Variants in ANLN observed in about 807,000 individuals in gnomAD.
The protein encoded by ANLN is anillin, actin binding protein, also known as anillin.
In ANLN, 59 loss-of-function variants were observed where a neutral mutation model predicts 135.1. The observed-to-expected ratio is 0.44, with a 90% CI of 0.35 to 0.54. The LOEUF is 0.54. ANLN is among the 20% of genes least tolerant of loss of function. The probability of loss-of-function intolerance (pLI) is 0.00; values close to 1 mark genes in which losing one functional copy is unlikely to be tolerated. For missense variants in ANLN, 1,182 were observed against 1,340.0 expected (o/e 0.88, Z 1.84); for synonymous variants, 406 against 456.4 (o/e 0.89, Z 1.41).
intron 1 of ANLN, among the ~76,000 whole-genome samples, chr7:36,392,342 T>C (rs197357): frequency 0.24 from 36,509 of 151,932 alleles, 5,164 homozygotes; most frequent in South Asian, 0.36. Flanking sequence ...TTAATTTATA[T>C]TGAGTCTACT....
In ANLN at chr7:36,416,592, G is replaced by A. The variant is rs1368902805; in HGVS notation, c.1523-488G>A. Among the ~76,000 whole-genome samples the A allele has an allele frequency of 2.6e-5, 4 of 152,128 alleles. 1 individual carries two copies. In the South Asian group the frequency reaches 8.3e-4, roughly 32 times the overall value. The stretch of plus-strand genomic sequence containing the variant: ...TACCTTCCTTCTATTCCTAGTTTTT[G>A]AGTAATTTTATTGGCACTTTGTTTT... On this transcript the variant is annotated intron_variant, in intron 8 of 23. Coordinates refer to ENST00000265748, the MANE Select transcript of ANLN (RefSeq NM_018685.5).
chr7:36,420,768 C>G (rs767548925), intron 12 of ANLN, 24 bp downstream of exon 12: 1 of 1,611,792 alleles, frequency 6.2e-7, no homozygotes, highest in Non-Finnish European at 8.5e-7. Flanking sequence ...TGGAAAGGGG[C>G]TTTGGAATGT....
At chr7:36,418,942 A>G (rs1174952093) in intron 9 of ANLN, among the ~76,000 whole-genome samples, 1 of 152,070 alleles carries the variant, frequency 6.6e-6, no homozygotes, top group East Asian at 1.9e-4. Context: ...TTTTTAGTAG[A>G]GACTGGGCTT....
chr7:36,412,832 A>G (rs1222644690), intron 7 of ANLN, among the ~76,000 whole-genome samples: 2 of 152,148 alleles, frequency 1.3e-5, no homozygotes, highest in Non-Finnish European at 2.9e-5. Flanking sequence ...AAATATACCC[A>G]TGTTTTTATA....
Position 36,447,754 on chromosome 7 carries a change from G to A in ANLN, c.3079-1911G>A, listed in dbSNP as rs577410659. Among the ~76,000 whole-genome samples the A allele has an allele frequency of 4.6e-5, 7 of 152,304 alleles. No individual in the cohort carries two copies. The South Asian group carries it at 1.4e-3, about 32-fold the overall frequency. ...AAGGGAGGATCCACATGCCAGGTGC[G>A]ATGGCAGGAGATTACATCATGCTGC... On this transcript the variant is annotated intron_variant, in intron 22 of 23. Transcript: ENST00000265748.
At chr7:36,434,670 C>G (rs939122662) in intron 20 of ANLN, among the ~76,000 whole-genome samples, 3 of 152,092 alleles carry the variant, frequency 2.0e-5, no homozygotes, top group African/African-American at 7.2e-5. Context: ...TCAAGACCTG[C>G]CTGGTCAACA....
chr7:36,442,820 T>C (rs971081181), intron 21 of ANLN, among the ~76,000 whole-genome samples: 36 of 151,972 alleles, frequency 2.4e-4, no homozygotes, highest in African/African-American at 8.0e-4. Flanking sequence ...TTAGTAGAGA[T>C]GGGATTTCAC....
chr7:36,437,399 ATG>A (rs765362836), intron 20 of ANLN, among the ~76,000 whole-genome samples: 5 of 152,150 alleles, frequency 3.3e-5, no homozygotes, highest in Admixed American at 3.3e-4. Context: ...TTTTCATTGT[ATG>A]TATGTACCGC....
At chr7:36,410,771 G>A in intron 6 of ANLN, 67 bp downstream of exon 6, 1 of 1,451,062 alleles carries the variant, frequency 6.9e-7, no homozygotes, top group Non-Finnish European at 9.3e-7. Context: ...AATCAAAATG[G>A]GTTCTGATGC....
chr7:36,390,089 G>A, intron 1 of ANLN, 45 bp downstream of exon 1: 1 of 1,612,570 alleles, frequency 6.2e-7, no homozygotes, highest in Non-Finnish European at 8.5e-7. Context: ...CACCGCTCTA[G>A]GCCCCCACCC....
intron 23 of ANLN, 115 bp from the exon 24 acceptor site, chr7:36,452,362 T>C (rs960285338): frequency 2.2e-6 from 3 of 1,361,148 alleles, no homozygotes; most frequent in Non-Finnish European, 2.0e-6. Flanking sequence ...TAAAAGGTGG[T>C]TAAAGGTAAT....
chr7:36,438,146 A>G (rs150112820), intron 20 of ANLN, among the ~76,000 whole-genome samples: 4 of 152,144 alleles, frequency 2.6e-5, no homozygotes, highest in African/African-American at 9.6e-5. Flanking sequence ...ATTTGGGTTT[A>G]ATTTTTATAA....
intron 1 of ANLN, 189 bp downstream of exon 1, chr7:36,390,233 T>C (rs954915496): frequency 3.4e-6 from 3 of 878,720 alleles, no homozygotes; most frequent in Middle Eastern, 3.5e-4. Flanking sequence ...TGAGATTTTG[T>C]TGTTTCGGTC....
chr7:36,396,406 C>G lies in ANLN; in HGVS notation c.159C>G (p.Leu53=), dbSNP rs149311864. The G allele has an allele frequency of 9.5e-6, 15 of 1,583,082 alleles. No homozygotes were observed. Among genetic ancestry groups the G allele is most frequent in the Non-Finnish European group, 1.3e-5 (15 of 1,160,004 alleles). Residue 53 remains leucine, a synonymous_variant, in exon 2 of 24, where the codon CTC becomes CTG. Transcript: ENST00000265748. ...CAGAAGCAAGTAACCAGCAGCCCCT[C>G]TCTGGTGGTGAAGGTAAAAGACTTT... The part of the protein sequence containing the change: ...PLSEASNQQP[L]SGGEEKSCTK...
At chr7:36,393,868 G>C (rs768989507) in intron 1 of ANLN, among the ~76,000 whole-genome samples, 4 of 152,226 alleles carry the variant, frequency 2.6e-5, no homozygotes, top group Non-Finnish European at 4.4e-5. Context: ...TCAGCTACTA[G>C]AGTAAAAGAA....
chr7:36,441,267 C>T (rs3801305), intron 21 of ANLN, among the ~76,000 whole-genome samples: 22,668 of 152,198 alleles, frequency 0.15, 1,744 homozygotes, highest in Admixed American at 0.19. Flanking sequence ...GGGCTCTTAA[C>T]GAGCTTGTTA....
chr7:36,417,101 C>A lies in ANLN; in HGVS notation c.1544C>A (p.Thr515Lys). ...TTAGGTTTCACTGAATGCGAAATGA[C>A]GAAATCTAGCCCTTTGAAAATAACA... ...EPKGFTECEMTKSSPLKITLF... is the reference protein window; with the variant it reads ...EPKGFTECEMKKSSPLKITLF... Residue 515 changes from threonine to lysine, a missense_variant, in exon 9 of 24, where the codon ACG becomes AAG. Physicochemically the swap from Thr to Lys is moderately conservative, Grantham distance 78 (BLOSUM62 -1). This residue lies in a region of ANLN where 1,022 missense variants were observed against 1,134.0 expected (regional missense o/e 0.90). Coordinates refer to ENST00000265748, the MANE Select transcript of ANLN (RefSeq NM_018685.5). 6.2e-7 allele frequency: 1 copy of A among 1,601,956 alleles called. No homozygotes were observed.
intron 22 of ANLN, among the ~76,000 whole-genome samples, chr7:36,448,314 C>T (rs1357894356): frequency 6.6e-6 from 1 of 152,130 alleles, no homozygotes; most frequent in African/African-American, 2.4e-5. Flanking sequence ...TGCACCCAGC[C>T]CTGTTTTGCA....
Position 36,396,410 on chromosome 7 carries a change from G to C in ANLN, c.163G>C (p.Gly55Arg). Residue 55 changes from glycine (G) to arginine (R), a missense_variant, in exon 2 of 24, where the codon GGT becomes CGT. Physicochemically the swap from Gly to Arg is moderately radical, Grantham distance 125. Transcript: ENST00000265748. Reference sequence around the variant, plus strand: ...AGCAAGTAACCAGCAGCCCCTCTCTGGTGGTGAAGGTAAAAGACTTTGTGG... The same window carrying C: ...AGCAAGTAACCAGCAGCCCCTCTCTCGTGGTGAAGGTAAAAGACTTTGTGG... ...SEASNQQPLS[G>R]GEEKSCTKPS... The C allele has an allele frequency of 6.4e-7, 1 of 1,569,096 alleles. No homozygotes were observed. The highest frequency in any genetic ancestry group is 1.4e-5 in the African/African-American group (1 of 73,616).
Sources: allele counts gnomAD v4.1 joint callset (sites outside exome capture counted in the v4.1 genomes callset), GRCh38; gene constraint gnomAD v4.1.1; regional missense constraint gnomAD v4.1.1; transcripts MANE v1.5; gene names NCBI Gene and HGNC (gene_info 2026-07-23, HGNC 2026-07-21).